The following ADGRA1 variants were observed in gnomAD, a reference collection of about 807,000 sequenced individuals.
ADGRA1 encodes the protein G-protein coupled receptor 123.
A neutral mutation model predicts 21.3 loss-of-function variants in ADGRA1; 12 were observed. The observed-to-expected ratio is 0.56, with a 90% CI of 0.36 to 0.91. ADGRA1 has a LOEUF of 0.91. ADGRA1 is among the 40% of genes least tolerant of loss of function. The pLI, the probability that ADGRA1 is intolerant of heterozygous loss-of-function variation, is 0.01. For synonymous variants in ADGRA1, 385 were observed against 368.8 expected, an observed-to-expected ratio of 1.04 and a Z score of -0.50; for missense variants, 790 against 805.6, an observed-to-expected ratio of 0.98 and a Z score of 0.23.
At position 133,111,767 on chromosome 10, in the gene ADGRA1, A is replaced by ACCACCTGCCCACCACGGG. The variant is rs1852014966; in HGVS notation, c.401+8926_401+8927insCACCTGCCCACCACGGGC. Among the ~76,000 whole-genome samples, 2 of 1,680 alleles carry ACCACCTGCCCACCACGGG rather than the reference A, an allele frequency of 1.2e-3. 1 individual carries two copies. The highest frequency in any genetic ancestry group is 0.032 in the East Asian group (2 of 62). The allele number at this position is 1,680 out of a possible 152,430, so 1.1% of individuals were successfully genotyped here. A position where few individuals can be genotyped will look rare whatever the true frequency, so the allele number is the denominator to read the frequency against. On this transcript the variant is annotated intron_variant, in intron 5 of 6. Transcript: ENST00000392607. ...CCACCAGACAACCTGCCCGCCACAG[A>ACCACCTGCCCACCACGGG]CACCTCCCTCCTAATCCCTCCAGAC...
Position 133,129,084 on chromosome 10 carries a change from GCAGAAC to G in ADGRA1, c.1257_1262del (p.Arg420_Thr421del). On this transcript the variant is annotated inframe_deletion, in exon 7 of 7. Transcript: ENST00000392607. ...CCCCACCTGCACGGGTGCCTTCAGGGCAGAACTAAGCCGCCCTACTTTAGCCGGCAC... is the reference window on the plus strand; with the variant it reads ...CCCCACCTGCACGGGTGCCTTCAGGGTAAGCCGCCCTACTTTAGCCGGCAC... 6.5e-7 allele frequency: 1 copy of G among 1,549,134 alleles called. No homozygotes were observed. The highest frequency in any genetic ancestry group is 8.7e-7 in the Non-Finnish European group (1 of 1,144,614).
chr10:133,111,450 A>C (rs67528950), intron 5 of ADGRA1, among the ~76,000 whole-genome samples: 2 of 9,770 alleles, frequency 2.0e-4, no homozygotes, highest in Admixed American at 9.0e-4. Flanking sequence ...TCCTAATCCC[A>C]CCAGACAACC....
intron 5 of ADGRA1, among the ~76,000 whole-genome samples, chr10:133,114,884 G>T (rs1476562012): frequency 6.6e-6 from 1 of 152,200 alleles, no homozygotes. Context: ...AGCTCCCTGA[G>T]GCTGCGGTTT....
At chr10:133,117,157 G>T (rs1424925386) in intron 5 of ADGRA1, among the ~76,000 whole-genome samples, 1 of 152,154 alleles carries the variant, frequency 6.6e-6, no homozygotes, top group Non-Finnish European at 1.5e-5. Flanking sequence ...TCAGTGCCCG[G>T]CAGGAGCTGT....
rs1205349502 is a variant in ADGRA1, at chr10:133,127,251, A to C, written c.420A>C (p.Gly140=). Residue 140 remains glycine (G), a synonymous_variant, in exon 6 of 7, where the codon GGA becomes GGC. Transcript: ENST00000392607. The part of the protein sequence containing the change: ...QPLLRFYLVS[G]GVPFIICGVT... Reference sequence around the variant, plus strand: ...CCGGCAGGTTTTACCTCGTCAGCGGAGGGGTCCCCTTTATCATCTGTGGGG... The same window carrying C: ...CCGGCAGGTTTTACCTCGTCAGCGGCGGGGTCCCCTTTATCATCTGTGGGG... The C allele has an allele frequency of 5.0e-6, 8 of 1,587,902 alleles. No individual in the cohort carries two copies. Among genetic ancestry groups the C allele is most frequent in the Non-Finnish European group, 6.8e-6 (8 of 1,170,284 alleles).
chr10:133,102,971 G>A, intron 5 of ADGRA1, 129 bp downstream of exon 5: 5 of 1,033,196 alleles, frequency 4.8e-6, no homozygotes, highest in South Asian at 3.4e-5. Flanking sequence ...ATGGGGGAGG[G>A]TCAGTGTTCC....
At chr10:133,091,692 G>A (rs573058843) in intron 2 of ADGRA1, among the ~76,000 whole-genome samples, 6 of 152,354 alleles carry the variant, frequency 3.9e-5, no homozygotes, top group South Asian at 2.1e-4. Flanking sequence ...TCTCAATGCC[G>A]GGATTGAGTG....
intron 5 of ADGRA1, among the ~76,000 whole-genome samples, chr10:133,104,059 C>T (rs537270322): frequency 1.1e-4 from 17 of 152,348 alleles, no homozygotes; most frequent in African/African-American, 3.6e-4. Context: ...CACCTGCTTC[C>T]TCGGAAGGGC....
intron 2 of ADGRA1, among the ~76,000 whole-genome samples, chr10:133,089,639 T>C (rs1465812355): frequency 6.6e-6 from 1 of 152,230 alleles, no homozygotes; most frequent in African/African-American, 2.4e-5. Context: ...AGAATGCCAA[T>C]GGCCTCTAGA....
Position 133,095,660 on chromosome 10 carries a change from TGTC to T in ADGRA1, c.4-1313_4-1311del, listed in dbSNP as rs776256416. On this transcript the variant is annotated intron_variant, in intron 2 of 6. Coordinates refer to ENST00000392607, the MANE Select transcript of ADGRA1 (RefSeq NM_001083909.3). ...TCCCTTGGCTCCCCAGAGCACCCTC[TGTC>T]CACGGTGGACACTCTCTAGCCAGCC... is the stretch of plus-strand genomic sequence containing the variant. 3.8e-6 allele frequency: 6 copies of T among 1,595,484 alleles called. No individual in the cohort carries two copies. In the East Asian group the frequency reaches 1.3e-4, roughly 36 times the overall value.
intron 5 of ADGRA1, among the ~76,000 whole-genome samples, chr10:133,110,731 C>T (rs1043595503): frequency 2.0e-5 from 3 of 152,198 alleles, no homozygotes; most frequent in Non-Finnish European, 4.4e-5. Flanking sequence ...TGGTCTGATG[C>T]CCATGTCTGA....
At chr10:133,089,415 G>A (rs949947439) in intron 2 of ADGRA1, among the ~76,000 whole-genome samples, 1 of 152,340 alleles carries the variant, frequency 6.6e-6, no homozygotes, top group African/African-American at 2.4e-5. Flanking sequence ...CGGCAGGCAC[G>A]GGAAGGGTGT....
At position 133,088,738 on chromosome 10, in the gene ADGRA1, C is replaced by T. The variant is rs1851546661; in HGVS notation, c.-172C>T. 3.3e-6 allele frequency: 4 copies of T among 1,230,534 alleles called. No individual in the cohort carries two copies. The highest frequency in any genetic ancestry group is 4.2e-5 in the South Asian group (1 of 23,648). The allele number at this position is 1,230,534 out of a possible 1,614,324, so 76.2% of individuals were successfully genotyped here. ...AGCAGCTCCCGGACTGCGCCCGCCC[C>T]GCCGCGGTCACCCTGAGGCCAGGGG... is the stretch of plus-strand genomic sequence containing the variant. On this transcript the variant is annotated 5_prime_UTR_variant, in exon 2 of 7. Transcript: ENST00000392607.
chr10:133,116,704 G>A (rs1463622386), intron 5 of ADGRA1, among the ~76,000 whole-genome samples: 1 of 152,188 alleles, frequency 6.6e-6, no homozygotes, highest in East Asian at 1.9e-4. Context: ...TGCCACCTGT[G>A]TGCCAGGTGG....
intron 5 of ADGRA1, among the ~76,000 whole-genome samples, chr10:133,113,257 G>A (rs1166557548): frequency 6.6e-6 from 1 of 152,236 alleles, no homozygotes; most frequent in African/African-American, 2.4e-5. Flanking sequence ...AGCTGTGTCA[G>A]TTATTTGGGG....
intron 2 of ADGRA1, chr10:133,095,571 G>A (rs921751101): frequency 1.2e-5 from 17 of 1,459,260 alleles, no homozygotes; most frequent in African/African-American, 2.8e-5. Flanking sequence ...TCCGGTGCCC[G>A]CCTGGCCAGT....
At chr10:133,103,302 C>T (rs978911432) in intron 5 of ADGRA1, among the ~76,000 whole-genome samples, 7 of 152,198 alleles carry the variant, frequency 4.6e-5, no homozygotes, top group African/African-American at 1.7e-4. Context: ...GTTTTGGCTT[C>T]GGCTTCATGG....
chr10:133,105,638 AG>A (rs1851880198), intron 5 of ADGRA1, among the ~76,000 whole-genome samples: 2 of 152,328 alleles, frequency 1.3e-5, no homozygotes, highest in Non-Finnish European at 2.9e-5. Context: ...CTGTGTGAGC[AG>A]GGGGGATGCC....
At chr10:133,091,831 G>A (rs1851600642) in intron 2 of ADGRA1, among the ~76,000 whole-genome samples, 1 of 152,158 alleles carries the variant, frequency 6.6e-6, no homozygotes, top group African/African-American at 2.4e-5. Flanking sequence ...GACGAGGCGG[G>A]TAGCCAAAGG....
Sources: allele counts gnomAD v4.1 joint callset (sites outside exome capture counted in the v4.1 genomes callset), GRCh38; gene constraint gnomAD v4.1.1; transcripts MANE v1.5; gene names NCBI Gene and HGNC (gene_info 2026-07-23, HGNC 2026-07-21).